PRKCE: variants seen among roughly 807,000 people sequenced by gnomAD.
PRKCE encodes the protein protein kinase C epsilon type.
A neutral mutation model predicts 85.4 loss-of-function variants in PRKCE; 16 were observed. The observed-to-expected ratio is 0.19, with a 90% CI of 0.13 to 0.28. The LOEUF (loss-of-function observed/expected upper bound fraction) is 0.28. PRKCE is among the 10% of genes least tolerant of loss of function. The pLI is 1.00. For missense variants in PRKCE, 573 were observed against 975.2 expected, an observed-to-expected ratio of 0.59 and a Z score of 5.49; for synonymous variants, 388 against 371.5, an observed-to-expected ratio of 1.04 and a Z score of -0.51.
chr2:45,771,381 C>G (rs1685314278), intron 1 of PRKCE, among the ~76,000 whole-genome samples: 1 of 152,144 alleles, frequency 6.6e-6, no homozygotes, highest in South Asian at 2.1e-4. Flanking sequence ...GCCTCTCAGA[C>G]AGCTAATGAC....
intron 1 of PRKCE, among the ~76,000 whole-genome samples, chr2:45,720,052 G>T (rs1573057173): frequency 6.6e-6 from 1 of 152,178 alleles, no homozygotes; most frequent in Admixed American, 6.5e-5. Context: ...CCAAGCAGCA[G>T]AATCTAAAGT....
intron 9 of PRKCE, 135 bp from the exon 10 acceptor site, chr2:46,010,209 C>T: frequency 9.9e-7 from 1 of 1,015,034 alleles, no homozygotes; most frequent in East Asian, 2.7e-5. Flanking sequence ...GTGCATGCCA[C>T]CACACCAGGC....
At chr2:45,939,475 A>T (rs555877375) in intron 2 of PRKCE, among the ~76,000 whole-genome samples, 1 of 152,178 alleles carries the variant, frequency 6.6e-6, no homozygotes, top group Admixed American at 6.5e-5. Context: ...CGAGGTTACT[A>T]AGACTTTCAA....
chr2:45,769,241 C>T lies in PRKCE; in HGVS notation c.349-73759C>T, dbSNP rs546928437. Among the ~76,000 whole-genome samples, 21 of 152,304 alleles carry T rather than the reference C, an allele frequency of 1.4e-4. 1 individual carries two copies. In the South Asian group the frequency reaches 4.4e-3, roughly 32 times the overall value. On this transcript the variant is annotated intron_variant, in intron 1 of 14. Transcript: ENST00000306156. ...TGACAAAAGTCTTTTCATCCTCGCCCACCTTATGCCTTCAAAACTGTGAGT... is the reference window on the plus strand; with the variant it reads ...TGACAAAAGTCTTTTCATCCTCGCCTACCTTATGCCTTCAAAACTGTGAGT...
At position 45,884,436 on chromosome 2, in the gene PRKCE, C is replaced by T. The variant is rs577346171; in HGVS notation, c.412+41373C>T. Among the ~76,000 whole-genome samples the T allele has an allele frequency of 6.6e-4, 101 of 152,306 alleles. No homozygotes were observed. The South Asian group carries it at 0.02, about 31-fold the overall frequency. ...GAGGCCTGGGTTCAAGACCAGATCT[C>T]CCTGTTCTGCAATCCTTGTGGTCTT... On this transcript the variant is annotated intron_variant, in intron 2 of 14. Transcript: ENST00000306156.
At chr2:45,705,900 A>G (rs1679073137) in intron 1 of PRKCE, among the ~76,000 whole-genome samples, 1 of 152,158 alleles carries the variant, frequency 6.6e-6, no homozygotes, top group African/African-American at 2.4e-5. Context: ...GTCTTTCTGA[A>G]GATGATTGTA....
chr2:45,707,073 C>G (rs1679174900), intron 1 of PRKCE, among the ~76,000 whole-genome samples: 1 of 152,208 alleles, frequency 6.6e-6, no homozygotes, highest in African/African-American at 2.4e-5. Context: ...GATTTTATGA[C>G]TGTTATATTC....
chr2:45,706,268 A>G (rs1679106069), intron 1 of PRKCE, among the ~76,000 whole-genome samples: 1 of 152,202 alleles, frequency 6.6e-6, no homozygotes, highest in African/African-American at 2.4e-5. Context: ...GAAATGAAAT[A>G]TTACACAGGA....
At chr2:46,182,329 G>T (rs527743328) in intron 14 of PRKCE, among the ~76,000 whole-genome samples, 1 of 152,136 alleles carries the variant, frequency 6.6e-6, no homozygotes, top group East Asian at 1.9e-4. Flanking sequence ...ACCCTCCCGC[G>T]TCAGTGTGCG....
At chr2:45,769,469 C>G (rs748582551) in intron 1 of PRKCE, among the ~76,000 whole-genome samples, 5 of 152,130 alleles carry the variant, frequency 3.3e-5, no homozygotes, top group Non-Finnish European at 5.9e-5. Flanking sequence ...TGTGTGTACA[C>G]TCATTCATGC....
At chr2:46,008,211 C>G (rs928884489) in intron 9 of PRKCE, among the ~76,000 whole-genome samples, 36 of 152,196 alleles carry the variant, frequency 2.4e-4, no homozygotes, top group African/African-American at 8.4e-4. Flanking sequence ...GAATAATCAT[C>G]TCATGCCTCG....
intron 2 of PRKCE, among the ~76,000 whole-genome samples, chr2:45,933,929 C>T (rs973561697): frequency 6.6e-6 from 1 of 152,176 alleles, no homozygotes; most frequent in Non-Finnish European, 1.5e-5. Context: ...AGTGCAGGTA[C>T]TCCTGGCTTC....
intron 10 of PRKCE, among the ~76,000 whole-genome samples, chr2:46,025,152 T>A (rs1305048786): frequency 2.0e-5 from 3 of 152,176 alleles, no homozygotes; most frequent in Non-Finnish European, 2.9e-5. Context: ...ACAAAAGAAT[T>A]CACGAGAGAA....
chr2:45,651,892 GT>G lies in PRKCE; in HGVS notation c.-205del. ...CATCCCCCAGCTCTCCCCCCTCCCTGTTTTCCGTTAGGAACCCGGCGAGGAA... is the reference window on the plus strand; with the variant it reads ...CATCCCCCAGCTCTCCCCCCTCCCTGTTTCCGTTAGGAACCCGGCGAGGAA... On this transcript the variant is annotated 5_prime_UTR_variant, in exon 1 of 15. Coordinates refer to ENST00000306156, the MANE Select transcript of PRKCE (RefSeq NM_005400.3). 4.0e-6 allele frequency: 2 copies of G among 495,310 alleles called. No homozygotes were observed. Among genetic ancestry groups the G allele is most frequent in the African/African-American group, 1.9e-5 (1 of 51,946 alleles). 30.7% of individuals were successfully genotyped at this position (495,310 alleles called of 1,614,324 possible).
At chr2:45,715,084 G>T (rs915039391) in intron 1 of PRKCE, among the ~76,000 whole-genome samples, 2 of 152,246 alleles carry the variant, frequency 1.3e-5, no homozygotes, top group Non-Finnish European at 2.9e-5. Context: ...CTTTTCCACA[G>T]GCAGGCAGGC....
intron 10 of PRKCE, among the ~76,000 whole-genome samples, chr2:46,065,044 C>T (rs1667504659): frequency 6.6e-6 from 1 of 152,136 alleles, no homozygotes; most frequent in African/African-American, 2.4e-5. Flanking sequence ...CATCCTCGAC[C>T]CTTCAAAATA....
intron 2 of PRKCE, among the ~76,000 whole-genome samples, chr2:45,963,334 A>G (rs1701505860): frequency 6.6e-6 from 1 of 151,824 alleles, no homozygotes; most frequent in African/African-American, 2.4e-5. Context: ...TTTTAGACCG[A>G]GTCTTGCTCT....
intron 2 of PRKCE, among the ~76,000 whole-genome samples, chr2:45,956,838 G>A (rs575263045): frequency 6.6e-6 from 1 of 152,110 alleles, no homozygotes; most frequent in African/African-American, 2.4e-5. Flanking sequence ...TTTAACATTA[G>A]CATTCTAATA....
chr2:45,746,145 TTC>T (rs1202373778), intron 1 of PRKCE, among the ~76,000 whole-genome samples: 2 of 152,194 alleles, frequency 1.3e-5, no homozygotes, highest in Non-Finnish European at 2.9e-5. Context: ...TTGTTTTGCT[TTC>T]TTTCAGTTTT....
Sources: allele counts gnomAD v4.1 joint callset (sites outside exome capture counted in the v4.1 genomes callset), GRCh38; gene constraint gnomAD v4.1.1; transcripts MANE v1.5; gene names NCBI Gene and HGNC (gene_info 2026-07-23, HGNC 2026-07-21).